The following GIPC2 variants were observed in gnomAD, a reference collection of about 807,000 sequenced individuals.
The protein encoded by GIPC2 is PDZ domain-containing protein GIPC2.
Under a neutral mutation model 30.6 loss-of-function variants are expected in GIPC2, and 30 were observed. The observed-to-expected ratio is 0.98, with a 90% CI of 0.73 to 1.33. GIPC2 has a LOEUF of 1.33. Ranked by LOEUF, GIPC2 falls within the 40% of genes most tolerant of loss-of-function variation. The pLI, the probability that GIPC2 is intolerant of heterozygous loss-of-function variation, is 0.00. For synonymous variants in GIPC2, 167 were observed against 150.0 expected (o/e 1.11, Z -0.83); for missense variants, 414 against 390.3 (o/e 1.06, Z -0.51).
intron 3 of GIPC2, among the ~76,000 whole-genome samples, chr1:78,103,124 G>A (rs1398428333): frequency 6.6e-6 from 1 of 152,248 alleles, no homozygotes; most frequent in Non-Finnish European, 1.5e-5. Context: ...CAAGCAGTCA[G>A]CCTCCAGAGC....
chr1:78,122,813 G>T (rs1459248996), intron 4 of GIPC2, among the ~76,000 whole-genome samples: 2 of 152,150 alleles, frequency 1.3e-5, no homozygotes, highest in Non-Finnish European at 2.9e-5. Flanking sequence ...GTGATACAAA[G>T]AAGAATAAAA....
chr1:78,076,800 G>T (rs1174373301), intron 1 of GIPC2, among the ~76,000 whole-genome samples: 4 of 151,956 alleles, frequency 2.6e-5, no homozygotes, highest in Non-Finnish European at 5.9e-5. Context: ...ATAGAGTCTC[G>T]CTCTGTCACC....
At chr1:78,076,404 G>A (rs775979849) in intron 1 of GIPC2, among the ~76,000 whole-genome samples, 1 of 152,168 alleles carries the variant, frequency 6.6e-6, no homozygotes, top group Non-Finnish European at 1.5e-5. Flanking sequence ...ATGGCACCAG[G>A]GACTGGTTTC....
intron 3 of GIPC2, among the ~76,000 whole-genome samples, chr1:78,113,669 G>A (rs557230580): frequency 3.6e-4 from 55 of 152,150 alleles, no homozygotes; most frequent in Non-Finnish European, 6.5e-4. Flanking sequence ...GATTAGAGGC[G>A]TGAGCCATGG....
chr1:78,077,809 A>G (rs988661190), intron 1 of GIPC2, among the ~76,000 whole-genome samples: 2 of 152,186 alleles, frequency 1.3e-5, no homozygotes, highest in African/African-American at 4.8e-5. Flanking sequence ...ATGAAAGCTC[A>G]CAGTAGCTTC....
chr1:78,045,304 A>G (rs1203180640), upstream of GIPC2, among the ~76,000 whole-genome samples: 1 of 152,142 alleles, frequency 6.6e-6, no homozygotes, highest in Admixed American at 6.6e-5. Flanking sequence ...GTTGGAGGGG[A>G]CTGGACTTGA....
intron 3 of GIPC2, among the ~76,000 whole-genome samples, chr1:78,106,108 T>C (rs1164906484): frequency 2.0e-5 from 3 of 151,080 alleles, no homozygotes; most frequent in Non-Finnish European, 4.4e-5. Context: ...AGTGGCAGTC[T>C]CCTGTAATTC....
upstream of GIPC2, chr1:78,045,066 A>T (rs1352898753): frequency 1.0e-6 from 1 of 983,496 alleles, no homozygotes; most frequent in Non-Finnish European, 1.2e-6. Context: ...ACAAAATTTA[A>T]GAAGAATGAA....
At chr1:78,111,167 T>C (rs191114151) in intron 3 of GIPC2, among the ~76,000 whole-genome samples, 1 of 152,312 alleles carries the variant, frequency 6.6e-6, no homozygotes, top group East Asian at 1.9e-4. Flanking sequence ...GGGAGGGAGC[T>C]GCATGTTTAC....
At chr1:78,073,695 C>T (rs974165379) in intron 1 of GIPC2, among the ~76,000 whole-genome samples, 6 of 152,210 alleles carry the variant, frequency 3.9e-5, no homozygotes, top group South Asian at 2.1e-4. Context: ...GACTTCCTGG[C>T]GTTTTAAACA....
intron 1 of GIPC2, among the ~76,000 whole-genome samples, chr1:78,079,063 C>G (rs1024647979): frequency 3.3e-5 from 5 of 152,036 alleles, no homozygotes; most frequent in Admixed American, 1.3e-4. Context: ...TTTTTTTCCC[C>G]CTGAGAACAA....
chr1:78,101,689 A>G (rs980179396), intron 3 of GIPC2, among the ~76,000 whole-genome samples: 39 of 152,288 alleles, frequency 2.6e-4, no homozygotes, highest in Non-Finnish European at 5.3e-4. Context: ...TGTTCTAGCC[A>G]TGAGCTGATG....
chr1:78,131,941 T>A lies in GIPC2; in HGVS notation c.797-3651T>A, dbSNP rs74407585. Among the ~76,000 whole-genome samples the A allele has an allele frequency of 7.9e-5, 12 of 152,360 alleles. 1 individual carries two copies. The East Asian group carries it at 2.3e-3, about 29-fold the overall frequency. On this transcript the variant is annotated intron_variant, in intron 5 of 5. Transcript: ENST00000370759. Reference sequence around the variant, plus strand: ...AGCTGTGTAATTGGCATTTTTTTGTTGTTTCTACAAGATCAGGTATTTTTT... The same window carrying A: ...AGCTGTGTAATTGGCATTTTTTTGTAGTTTCTACAAGATCAGGTATTTTTT...
rs540545746 is a variant in GIPC2, at chr1:78,073,876, C to T, written c.241-6799C>T. Among the ~76,000 whole-genome samples the T allele has an allele frequency of 4.4e-4, 67 of 152,128 alleles. 1 individual carries two copies. The highest frequency in any genetic ancestry group is 3.4e-3 in the Middle Eastern group (1 of 294). On this transcript the variant is annotated intron_variant, in intron 1 of 5. Transcript: ENST00000370759. The stretch of plus-strand genomic sequence containing the variant: ...ATTAATTGATATTAATGGCTCTGTG[C>T]GATAGTTCAAACTTTTATCTTCCTA...
chr1:78,090,895 G>A (rs1662024161), intron 2 of GIPC2, among the ~76,000 whole-genome samples: 2 of 152,132 alleles, frequency 1.3e-5, no homozygotes, highest in African/African-American at 4.8e-5. Flanking sequence ...TACTGTTTGA[G>A]ATCTGGAGAC....
At chr1:78,058,820 A>G (rs557932032) in intron 1 of GIPC2, among the ~76,000 whole-genome samples, 41 of 152,254 alleles carry the variant, frequency 2.7e-4, no homozygotes, top group African/African-American at 8.2e-4. Context: ...ATATTCCAAG[A>G]TATATACTTC....
intron 1 of GIPC2, among the ~76,000 whole-genome samples, chr1:78,053,757 A>AG (rs1295164089): frequency 7.1e-6 from 1 of 140,538 alleles, no homozygotes; most frequent in African/African-American, 2.5e-5. Context: ...AAAAAAAAAA[A>AG]AAAAAAAAGC....
At position 78,118,247 on chromosome 1, in the gene GIPC2, C is replaced by CA. The variant is rs71810685; in HGVS notation, c.608-1123dup. 2.9e-4 allele frequency among the ~76,000 whole-genome samples: 10 copies of CA among 34,250 alleles called. 2 individuals are homozygous for CA. The highest frequency in any genetic ancestry group is 1.1e-3 in the African/African-American group (10 of 9,022). 22.5% of individuals were successfully genotyped at this position (34,250 alleles called of 152,430 possible). A position where few individuals can be genotyped will look rare whatever the true frequency, so the allele number is the denominator to read the frequency against. ...CTGGCCTGAGTCTCCAGTTTCATTG[C>CA]AAAAAAAAAAAAAAAAAAAAAAAGT... On this transcript the variant is annotated intron_variant, in intron 3 of 5. Coordinates refer to ENST00000370759, the MANE Select transcript of GIPC2 (RefSeq NM_017655.6).
intron 1 of GIPC2, among the ~76,000 whole-genome samples, chr1:78,066,142 G>A (rs866589720): frequency 6.6e-6 from 1 of 151,896 alleles, no homozygotes; most frequent in Non-Finnish European, 1.5e-5. Context: ...TGCAAACTAG[G>A]CATCTGAAAA....
Sources: gnomAD v4.1 joint callset for allele counts (sites outside exome capture counted in the v4.1 genomes callset) on GRCh38, gnomAD v4.1.1 for gene constraint, MANE v1.5 for transcripts, NCBI Gene and HGNC (gene_info 2026-07-23, HGNC 2026-07-21) for gene names.